MAML1: variants seen among roughly 807,000 people sequenced by gnomAD.
MAML1 encodes mastermind-like protein 1.
In MAML1, 14 loss-of-function variants were observed where a neutral mutation model predicts 77.1. The observed-to-expected ratio is 0.18, with a 90% CI of 0.12 to 0.28. The LOEUF (loss-of-function observed/expected upper bound fraction) is 0.28. MAML1 is among the 10% of genes least tolerant of loss of function. MAML1 has a pLI of 1.00. For synonymous variants in MAML1, 516 were observed against 551.9 expected, an observed-to-expected ratio of 0.93 and a Z score of 0.91; for missense variants, 1,217 against 1,327.8, an observed-to-expected ratio of 0.92 and a Z score of 1.30.
At position 179,771,187 on chromosome 5, in the gene MAML1, C is replaced by T. The variant is rs754792762; in HGVS notation, c.2012C>T (p.Pro671Leu). ...CAGCGCCATCTGACCCGCCCACCAC[C>T]CCAGTACCAAGACCCGACACAAGGC... ...QFQRHLTRPP[P>L]QYQDPTQGSF... The change falls in exon 4 of 5, where the codon CCC becomes CTC. Residue 671 changes from proline to leucine, a missense_variant. By Grantham distance (98) the Pro-to-Leu change is moderately conservative. Around this residue, in one of 3 missense-constraint regions of MAML1, gnomAD observed 884 missense variants for 949.3 expected, o/e 0.93. Transcript: ENST00000292599. The surrounding 1 kb of genome is among the most constrained non-coding windows in gnomAD (Gnocchi z 4.7). 4 of 1,614,034 alleles carry T rather than the reference C, an allele frequency of 2.5e-6. No individual in the cohort carries two copies. In the Admixed American group the frequency reaches 6.7e-5, roughly 27 times the overall value.
intron 1 of MAML1, among the ~76,000 whole-genome samples, chr5:179,761,268 C>A (rs1041744678): frequency 7.9e-5 from 12 of 151,956 alleles, no homozygotes; most frequent in Admixed American, 1.3e-4. Context: ...GTGGTTCATG[C>A]CTGTGGTCCC....
intron 1 of MAML1, among the ~76,000 whole-genome samples, chr5:179,764,333 A>AT (rs11440140): frequency 0.29 from 43,337 of 151,962 alleles, 6,527 homozygotes; most frequent in Non-Finnish European, 0.34. Context: ...CACACCAGAC[A>AT]GATTATGTTC....
intron 1 of MAML1, among the ~76,000 whole-genome samples, chr5:179,753,861 G>A (rs1779559623): frequency 6.6e-6 from 1 of 151,392 alleles, no homozygotes; most frequent in African/African-American, 2.4e-5. Context: ...TAGTAGAGAT[G>A]GCGTTTCACC....
Position 179,775,818 on chromosome 5 carries a change from CTCCT to C in MAML1, c.*946_*949del. The C allele has an allele frequency of 2.0e-6, 2 of 985,536 alleles. No homozygotes were observed. Among genetic ancestry groups the C allele is most frequent in the South Asian group, 9.4e-5 (2 of 21,290 alleles). The allele number at this position is 985,536 out of a possible 1,614,324, so 61.0% of individuals were successfully genotyped here. A position where few individuals can be genotyped will look rare whatever the true frequency, so the allele number is the denominator to read the frequency against. ...TTACCGTTGGCCTTTCTGTCTGCCT[CTCCT>C]TCCTCTCTGCAGCCCAAATGGAAAA... On this transcript the variant is annotated 3_prime_UTR_variant, in exon 5 of 5. Transcript: ENST00000292599.
rs1359406426 is a variant in MAML1 at position 179,733,021 on chromosome 5, G to C, written c.-92G>C. 19 of 787,938 alleles carry C rather than the reference G, an allele frequency of 2.4e-5. No homozygotes were observed. Among genetic ancestry groups the C allele is most frequent in the Non-Finnish European group, 3.0e-5 (18 of 592,956 alleles). The allele number at this position is 787,938 out of a possible 1,614,324, so 48.8% of individuals were successfully genotyped here. A position where few individuals can be genotyped will look rare whatever the true frequency, so the allele number is the denominator to read the frequency against. On this transcript the variant is annotated 5_prime_UTR_variant, in exon 1 of 5. Transcript: ENST00000292599. ...CTCGGGGGCATGGCGCGGCCGTGAG[G>C]CGGAGAGGGGTAGCCGCGGGGAGCG...
chr5:179,763,146 GCA>G (rs932889629), intron 1 of MAML1, among the ~76,000 whole-genome samples: 14 of 152,296 alleles, frequency 9.2e-5, no homozygotes, highest in Admixed American at 7.8e-4. Context: ...CCCAGACCTG[GCA>G]CTGTGGAACA....
At chr5:179,755,481 A>G (rs962700594) in intron 1 of MAML1, among the ~76,000 whole-genome samples, 3 of 151,650 alleles carry the variant, frequency 2.0e-5, no homozygotes, top group Non-Finnish European at 4.4e-5. Flanking sequence ...ATGCTTTACC[A>G]CAAACATGAA....
In MAML1 at chr5:179,733,466, C is replaced by T. The variant is rs1009131382; in HGVS notation, c.315+39C>T. On this transcript the variant is annotated intron_variant, in intron 1 of 4. Coordinates refer to ENST00000292599, the MANE Select transcript of MAML1 (RefSeq NM_014757.5). ...GGGAAGGCGCTTGTCGTGGCGGCAG[C>T]CCCCTCTCCCGAAAACGCTTCCTCT... The T allele has an allele frequency of 1.4e-5, 15 of 1,085,410 alleles. No individual in the cohort carries two copies. The African/African-American group carries it at 2.0e-4, about 15-fold the overall frequency. The allele number at this position is 1,085,410 out of a possible 1,614,324, so 67.2% of individuals were successfully genotyped here.
At chr5:179,747,363 T>C (rs1779401302) in intron 1 of MAML1, among the ~76,000 whole-genome samples, 1 of 151,782 alleles carries the variant, frequency 6.6e-6, no homozygotes, top group African/African-American at 2.4e-5. Flanking sequence ...GGAAGTGGAG[T>C]TGGTAGAGGT....
In MAML1 at chr5:179,766,021, T is replaced by G. The variant is rs368036232; in HGVS notation, c.1011T>G (p.Asp337Glu). The G allele has an allele frequency of 1.3e-6, 2 of 1,599,372 alleles. No individual in the cohort carries two copies. Among genetic ancestry groups the G allele is most frequent in the East Asian group, 2.2e-5 (1 of 44,786 alleles). The change falls in exon 2 of 5, where the codon GAT becomes GAG. Residue 337 changes from aspartate (D) to glutamate (E), a missense_variant. Asp to Glu is a conservative substitution (Grantham distance 45). This residue lies in a region of MAML1 where 884 missense variants were observed against 949.3 expected (regional missense o/e 0.93). Coordinates refer to ENST00000292599, the MANE Select transcript of MAML1 (RefSeq NM_014757.5). The surrounding 1 kb of genome is among the most constrained non-coding windows in gnomAD (Gnocchi z 4.0). ...LGPSSAPVST[D>E]SPSLGGSQTL... ...CTTCCTCTGCCCCTGTGAGTACAGA[T>G]TCCCCCAGCCTAGGGGGCTCCCAAA...
intron 1 of MAML1, among the ~76,000 whole-genome samples, chr5:179,764,481 A>G (rs1479916876): frequency 6.6e-6 from 1 of 151,746 alleles, no homozygotes; most frequent in African/African-American, 2.4e-5. Flanking sequence ...ACCAACATGG[A>G]GAAACCCCGT....
At position 179,769,606 on chromosome 5, in the gene MAML1, G is replaced by C. The variant is rs1360537504; in HGVS notation, c.1971+517G>C. Reference sequence around the variant, plus strand: ...GTCTTGCTGTCACCCAGGCTGGACTGCAGTGGTGCGATCTTGGCTCACTGC... The same window carrying C: ...GTCTTGCTGTCACCCAGGCTGGACTCCAGTGGTGCGATCTTGGCTCACTGC... On this transcript the variant is annotated intron_variant, in intron 3 of 4. Coordinates refer to ENST00000292599, the MANE Select transcript of MAML1 (RefSeq NM_014757.5). This position sits in a 1 kb window ranked among gnomAD's most constrained non-coding sequence, Gnocchi z 4.2. Among the ~76,000 whole-genome samples, 1 of 151,876 alleles carries C rather than the reference G, an allele frequency of 6.6e-6. No individual in the cohort carries two copies. The highest frequency in any genetic ancestry group is 1.5e-5 in the Non-Finnish European group (1 of 67,982).
At chr5:179,772,960 G>A (rs1756036035) in intron 4 of MAML1, among the ~76,000 whole-genome samples, 1 of 152,106 alleles carries the variant, frequency 6.6e-6, no homozygotes, top group Non-Finnish European at 1.5e-5. Flanking sequence ...GCATGATCTC[G>A]GCTCACTGCA....
At chr5:179,737,680 T>C (rs1168861878) in intron 1 of MAML1, among the ~76,000 whole-genome samples, 1 of 152,222 alleles carries the variant, frequency 6.6e-6, no homozygotes, top group Non-Finnish European at 1.5e-5. Flanking sequence ...ATTATTGTTT[T>C]CTTAGGATAT....
chr5:179,737,796 A>T (rs141982473), intron 1 of MAML1, among the ~76,000 whole-genome samples: 119 of 152,260 alleles, frequency 7.8e-4, no homozygotes, highest in Admixed American at 1.6e-3. Context: ...GAATGAGTCT[A>T]TTAGGTTTTC....
rs1421382215 is a variant in MAML1, at chr5:179,766,590, A to C, written c.1580A>C (p.Gln527Pro). Residue 527 changes from glutamine to proline, a missense_variant, in exon 2 of 5, where the codon CAA (glutamine) becomes CCA (proline). Around this residue, in one of 3 missense-constraint regions of MAML1, gnomAD observed 884 missense variants for 949.3 expected, o/e 0.93. Coordinates refer to ENST00000292599, the MANE Select transcript of MAML1 (RefSeq NM_014757.5). The surrounding 1 kb of genome is among the most constrained non-coding windows in gnomAD (Gnocchi z 4.0). Reference sequence around the variant, plus strand: ...TCTCATTACAAAGCGGACTGTGGGCAAGGCAGCCCGGGGTCTGGCCAGAGC... The same window carrying C: ...TCTCATTACAAAGCGGACTGTGGGCCAGGCAGCCCGGGGTCTGGCCAGAGC... ...PLSHYKADCG[Q>P]GSPGSGQSKP... is the part of the protein sequence containing the mutation. The C allele has an allele frequency of 6.2e-7, 1 of 1,612,562 alleles. No individual in the cohort carries two copies. Among genetic ancestry groups the C allele is most frequent in the Non-Finnish European group, 8.5e-7 (1 of 1,178,972 alleles).
intron 1 of MAML1, among the ~76,000 whole-genome samples, chr5:179,759,260 A>G (rs1223837629): frequency 6.6e-6 from 1 of 152,224 alleles, no homozygotes; most frequent in Non-Finnish European, 1.5e-5. Context: ...AGACCCCAGC[A>G]TTCAGAAGGG....
At position 179,751,598 on chromosome 5, in the gene MAML1, G is replaced by A. The variant is rs1473945011; in HGVS notation, c.316-13728G>A. On this transcript the variant is annotated intron_variant, in intron 1 of 4. Coordinates refer to ENST00000292599, the MANE Select transcript of MAML1 (RefSeq NM_014757.5). Reference sequence around the variant, plus strand: ...CGCACACCTGTAATCCCAGCTACTCGGGAGGCTGAGGCAGGAGAATCACTT... The same window carrying A: ...CGCACACCTGTAATCCCAGCTACTCAGGAGGCTGAGGCAGGAGAATCACTT... 7.9e-5 allele frequency among the ~76,000 whole-genome samples: 12 copies of A among 152,168 alleles called. 1 individual carries two copies. The highest frequency in any genetic ancestry group is 5.9e-4 in the Admixed American group (9 of 15,276).
intron 1 of MAML1, among the ~76,000 whole-genome samples, chr5:179,735,500 G>T (rs1327500459): frequency 1.3e-5 from 2 of 152,056 alleles, no homozygotes; most frequent in Non-Finnish European, 2.9e-5. Context: ...TGATTCTCCT[G>T]CCTCAGCCTC....
Sources: gnomAD v4.1 joint callset for allele counts (sites outside exome capture counted in the v4.1 genomes callset) on GRCh38, gnomAD v4.1.1 for gene constraint, gnomAD v4.1.1 regional missense constraint, Gnocchi (gnomAD v3.1) non-coding constraint, MANE v1.5 for transcripts, NCBI Gene and HGNC (gene_info 2026-07-23, HGNC 2026-07-21) for gene names.